The following ADAMTS6 variants were observed in gnomAD, a reference collection of about 807,000 sequenced individuals.
ADAMTS6 encodes A disintegrin and metalloproteinase with thrombospondin motifs 6.
In ADAMTS6, 23 loss-of-function variants were observed where a neutral mutation model predicts 144.3. That is an observed-to-expected ratio of 0.16 (90% CI 0.11 to 0.23). ADAMTS6 has a LOEUF of 0.23. ADAMTS6 is among the 10% of genes least tolerant of loss of function. ADAMTS6 has a pLI of 1.00. For missense variants in ADAMTS6, 999 were observed against 1,379.6 expected, an observed-to-expected ratio of 0.72 and a Z score of 4.37; for synonymous variants, 444 against 457.5, an observed-to-expected ratio of 0.97 and a Z score of 0.38.
At chr5:65,263,017 G>C in intron 12 of ADAMTS6, 55 bp from the exon 13 acceptor site, 1 of 1,608,866 alleles carries the variant, frequency 6.2e-7, no homozygotes, top group Non-Finnish European at 8.5e-7. Context: ...AGAGCTATCA[G>C]GATAGAAATA....
intron 7 of ADAMTS6, among the ~76,000 whole-genome samples, chr5:65,366,310 C>T (rs1470674173): frequency 6.6e-6 from 1 of 152,058 alleles, no homozygotes; most frequent in Admixed American, 6.6e-5. Context: ...GTTGGCAGGT[C>T]TTATAAAAGT....
At chr5:65,282,158 G>C (rs1255642484) in intron 11 of ADAMTS6, among the ~76,000 whole-genome samples, 1 of 152,130 alleles carries the variant, frequency 6.6e-6, no homozygotes, top group Non-Finnish European at 1.5e-5. Flanking sequence ...GGTCAAATAT[G>C]AGTCATCAAT....
Position 65,151,006 on chromosome 5 carries a change from A to T in ADAMTS6, c.*830T>A, listed in dbSNP as rs1350793634. ...GGTCCTTTGGTCTGTACCATACCCC[A>T]GGTCTGGTTTCTGCATGAAATTGAA... is the stretch of plus-strand genomic sequence containing the variant. On this transcript the variant is annotated 3_prime_UTR_variant, in exon 25 of 25. Transcript: ENST00000381055. 1 of 152,656 alleles carries T rather than the reference A, an allele frequency of 6.6e-6. No homozygotes were observed. The highest frequency in any genetic ancestry group is 1.9e-4 in the East Asian group (1 of 5,198). The allele number at this position is 152,656 out of a possible 1,614,324, so 9.5% of individuals were successfully genotyped here.
intron 7 of ADAMTS6, among the ~76,000 whole-genome samples, chr5:65,384,093 A>G (rs76782560): frequency 0.012 from 1,857 of 152,298 alleles, 25 homozygotes; most frequent in East Asian, 0.077. Context: ...AAAGATTACC[A>G]AAATGCCTTT....
rs564910710 is a variant in ADAMTS6 at position 65,176,119 on chromosome 5, GA to G, written c.2911-3112del. ...GGTTATCATCTTCGGAAAAAAAAGG[GA>G]AAAAAAGGGGGGGGCAGAATTTATG... On this transcript the variant is annotated intron_variant, in intron 22 of 24. Transcript: ENST00000381055. 2.7e-3 allele frequency among the ~76,000 whole-genome samples: 376 copies of G among 138,838 alleles called. 3 individuals carry two copies. Among genetic ancestry groups the G allele is most frequent in the African/African-American group, 9.6e-3 (353 of 36,602 alleles). The allele number at this position is 138,838 out of a possible 152,430, so 91.1% of individuals were successfully genotyped here.
intron 18 of ADAMTS6, among the ~76,000 whole-genome samples, chr5:65,219,371 A>G (rs1448020720): frequency 6.6e-6 from 1 of 152,106 alleles, no homozygotes; most frequent in African/African-American, 2.4e-5. Flanking sequence ...CCACCAAACT[A>G]AAGATTAGAA....
At chr5:65,448,517 A>T (rs969960290) in intron 7 of ADAMTS6, among the ~76,000 whole-genome samples, 2 of 150,924 alleles carry the variant, frequency 1.3e-5, no homozygotes, top group Non-Finnish European at 1.5e-5. Flanking sequence ...CAGTTGTGCG[A>T]TCTAGGCTCA....
intron 20 of ADAMTS6, among the ~76,000 whole-genome samples, chr5:65,211,117 T>C (rs928524783): frequency 2.0e-5 from 3 of 152,226 alleles, no homozygotes; most frequent in Non-Finnish European, 2.9e-5. Flanking sequence ...TCTGGCTTTT[T>C]CTTGGGTCAA....
At chr5:65,400,203 G>A (rs1020194592) in intron 7 of ADAMTS6, among the ~76,000 whole-genome samples, 4 of 151,172 alleles carry the variant, frequency 2.6e-5, no homozygotes, top group East Asian at 1.9e-4. Flanking sequence ...ATTTTTAAAC[G>A]TACATTTTAG....
intron 7 of ADAMTS6, among the ~76,000 whole-genome samples, chr5:65,438,896 T>C (rs1360813364): frequency 1.3e-5 from 2 of 152,220 alleles, no homozygotes; most frequent in African/African-American, 2.4e-5. Flanking sequence ...GTGCGAACTC[T>C]AGAATTTCTG....
intron 22 of ADAMTS6, among the ~76,000 whole-genome samples, chr5:65,182,672 TACATGC>T (rs1219570586): frequency 6.6e-6 from 1 of 152,126 alleles, no homozygotes; most frequent in African/African-American, 2.4e-5. Context: ...CTCTGAAAGA[TACATGC>T]ACAAAGACTA....
chr5:65,172,745 C>G, intron 23 of ADAMTS6, 87 bp downstream of exon 23: 1 of 1,465,950 alleles, frequency 6.8e-7, no homozygotes. Flanking sequence ...ACTCATCTCT[C>G]AAGCCCTTAC....
chr5:65,417,433 C>A (rs981710306), intron 7 of ADAMTS6, among the ~76,000 whole-genome samples: 5 of 152,008 alleles, frequency 3.3e-5, no homozygotes, highest in African/African-American at 1.2e-4. Context: ...AAGAAGAAGG[C>A]AAACTATCTC....
chr5:65,237,963 T>G (rs1388341542), intron 15 of ADAMTS6, among the ~76,000 whole-genome samples: 1 of 151,844 alleles, frequency 6.6e-6, no homozygotes, highest in African/African-American at 2.4e-5. Context: ...GGCACACACC[T>G]GCAGTCCCAG....
intron 7 of ADAMTS6, among the ~76,000 whole-genome samples, chr5:65,336,415 T>C (rs1051269660): frequency 1.3e-5 from 2 of 152,064 alleles, no homozygotes; most frequent in Admixed American, 6.6e-5. Context: ...TCCAGATCTG[T>C]AGATTGGCCA....
chr5:65,235,749 G>A (rs187215257), intron 15 of ADAMTS6, among the ~76,000 whole-genome samples: 8 of 152,234 alleles, frequency 5.3e-5, no homozygotes, highest in Non-Finnish European at 8.8e-5. Context: ...CCTTGTGATC[G>A]TGTGAACTAA....
At chr5:65,263,102 T>A in intron 12 of ADAMTS6, 140 bp from the exon 13 acceptor site, 1 of 1,095,198 alleles carries the variant, frequency 9.1e-7, no homozygotes, top group Admixed American at 2.2e-5. Flanking sequence ...GTTCTCTAAC[T>A]GTGTTTAGAC....
intron 7 of ADAMTS6, among the ~76,000 whole-genome samples, chr5:65,407,812 G>A (rs542351929): frequency 7.6e-4 from 116 of 151,982 alleles, no homozygotes; most frequent in Middle Eastern, 3.4e-3. Flanking sequence ...TGTTTATTGC[G>A]GCACTATTCA....
At chr5:65,189,327 G>A (rs1437467756) in intron 21 of ADAMTS6, among the ~76,000 whole-genome samples, 1 of 152,166 alleles carries the variant, frequency 6.6e-6, no homozygotes, top group East Asian at 1.9e-4. Context: ...AGATCAATGA[G>A]AATTCTGGTT....
Sources: allele counts gnomAD v4.1 joint callset (sites outside exome capture counted in the v4.1 genomes callset), GRCh38; gene constraint gnomAD v4.1.1; transcripts MANE v1.5; gene names NCBI Gene and HGNC (gene_info 2026-07-23, HGNC 2026-07-21).